The following POM121 variants were observed in gnomAD, a reference collection of about 807,000 sequenced individuals.
POM121 encodes POM121 transmembrane nucleoporin.
In POM121, 32 loss-of-function variants were observed where a neutral mutation model predicts 81.3. The ratio of observed to expected loss-of-function variants is 0.39; its 90% CI spans 0.30 to 0.53. The LOEUF (loss-of-function observed/expected upper bound fraction) is 0.53. Ranked by LOEUF, POM121 falls within the 20% of genes least tolerant of loss-of-function variation. The pLI is 0.66. For synonymous variants in POM121, 514 were observed against 694.2 expected, an observed-to-expected ratio of 0.74 and a Z score of 4.08; for missense variants, 1,138 against 1,614.6, an observed-to-expected ratio of 0.70 and a Z score of 5.06.
At position 72,945,691 on chromosome 7, in the gene POM121, T is replaced by C. The variant is rs782640794; in HGVS notation, c.3635T>C (p.Val1212Ala). 1.6e-5 allele frequency: 25 copies of C among 1,611,574 alleles called. No individual in the cohort carries two copies. Among genetic ancestry groups the C allele is most frequent in the Non-Finnish European group, 2.0e-5 (24 of 1,178,866 alleles). The change falls in exon 12 of 13, where the codon GTT becomes GCT. Residue 1212 changes from valine to alanine, a missense_variant. Physicochemically the swap from Val to Ala is moderately conservative, Grantham distance 64 (BLOSUM62 0). Coordinates refer to ENST00000434423, the MANE Select transcript of POM121 (RefSeq NM_001387691.1). ...GASSAPAQGF[V>A]GVAPFGSAAL... ...TCCTCAGCACCCGCCCAAGGCTTTG[T>C]TGGTGTTGCACCTTTCGGTAAGCAG...
At chr7:72,891,179 T>C in intron 3 of POM121, 1 of 618,290 alleles carries the variant, frequency 1.6e-6, no homozygotes, top group South Asian at 1.8e-5. Context: ...TAAAGAGTTG[T>C]TTATATGTAT....
intron 3 of POM121, among the ~76,000 whole-genome samples, chr7:72,895,918 A>G (rs1223878582): frequency 6.8e-6 from 1 of 147,670 alleles, no homozygotes; most frequent in Non-Finnish European, 1.5e-5. Context: ...AAATGAATAA[A>G]TCAATCAAAT....
At chr7:72,909,790 G>A (rs1256321792) in intron 3 of POM121, among the ~76,000 whole-genome samples, 4 of 152,056 alleles carry the variant, frequency 2.6e-5, no homozygotes, top group African/African-American at 9.7e-5. Flanking sequence ...TGGGACCAGC[G>A]GTACACACTA....
At chr7:72,911,048 G>A (rs1477771436) in intron 3 of POM121, among the ~76,000 whole-genome samples, 5 of 152,294 alleles carry the variant, frequency 3.3e-5, no homozygotes, top group Non-Finnish European at 5.9e-5. Context: ...GTACAATAGC[G>A]CAATCTTAGC....
chr7:72,906,208 T>TA (rs1316373190), intron 3 of POM121, among the ~76,000 whole-genome samples: 2 of 152,216 alleles, frequency 1.3e-5, no homozygotes, highest in East Asian at 3.8e-4. Context: ...TTTGTCTCTT[T>TA]AATAAAATCT....
Position 72,914,577 on chromosome 7 carries a change from T to C in POM121, c.-152+749T>C, listed in dbSNP as rs145783617. ...GCTGTAGAGATAGGGTCTCGCCGTA[T>C]TGCTGAGGATGGTCTTGAACTTCTG... On this transcript the variant is annotated intron_variant, in intron 4 of 15. Coordinates refer to the POM121 transcript ENST00000395270. Among the ~76,000 whole-genome samples, 91 of 151,868 alleles carry C rather than the reference T, an allele frequency of 6.0e-4. 2 individuals carry two copies. The highest frequency in any genetic ancestry group is 7.9e-4 in the Admixed American group (12 of 15,250).
intron 2 of POM121, 126 bp from the exon 3 acceptor site, chr7:72,926,676 C>T (rs1206597160): frequency 2.0e-6 from 3 of 1,489,164 alleles, no homozygotes; most frequent in Admixed American, 2.1e-5. Flanking sequence ...CTAACGGGAA[C>T]TGCTGTGAGT....
intron 3 of POM121, among the ~76,000 whole-genome samples, chr7:72,902,981 A>G (rs1404364830): frequency 6.6e-6 from 1 of 152,124 alleles, no homozygotes; most frequent in African/African-American, 2.4e-5. Flanking sequence ...AGTACTTTCA[A>G]TGTCTGTGCT....
intron 3 of POM121, among the ~76,000 whole-genome samples, chr7:72,894,681 G>GAGAGAGAGAGAGAT: frequency 7.3e-6 from 1 of 136,754 alleles, no homozygotes; most frequent in African/African-American, 2.5e-5. Flanking sequence ...GAGAGAGAGA[G>GAGAGAGAGAGAGAT]ATCTCCGTCC....
chr7:72,924,833 AT>A (rs1795184479), upstream of POM121: 1 of 403,448 alleles, frequency 2.5e-6, no homozygotes, highest in South Asian at 6.9e-5. Flanking sequence ...AAGATCACGG[AT>A]TAGGAATTAC....
Position 72,936,843 on chromosome 7 carries a change from T to C in POM121, c.1276-1747T>C, listed in dbSNP as rs543520454. Among the ~76,000 whole-genome samples the C allele has an allele frequency of 2.0e-4, 31 of 152,248 alleles. No homozygotes were observed. In the South Asian group the frequency reaches 6.0e-3, roughly 30 times the overall value. On this transcript the variant is annotated intron_variant, in intron 5 of 12. Coordinates refer to ENST00000434423, the MANE Select transcript of POM121 (RefSeq NM_001387691.1). ...TATTACTTTAACTACAGGTAAGGTC[T>C]TGCTATGTTGCCCAGGCTGGTCCGA... is the stretch of plus-strand genomic sequence containing the variant.
Position 72,925,248 on chromosome 7 carries a change from G to T in POM121, c.127G>T (p.Gly43Cys). 6.5e-7 allele frequency: 1 copy of T among 1,534,096 alleles called. No homozygotes were observed. The highest frequency in any genetic ancestry group is 8.7e-7 in the Non-Finnish European group (1 of 1,146,184). Residue 43 changes from glycine (G) to cysteine (C), a missense_variant, in exon 1 of 13, where the codon GGC (glycine) becomes TGC (cysteine). Coordinates refer to ENST00000434423, the MANE Select transcript of POM121 (RefSeq NM_001387691.1). ...GGTGCTCCTGGGCCTGTCGCTGGTT[G>T]GCCTCTTACTGTACCTCGTGCCGGC... ...RAVLLGLSLV[G>C]LLLYLVPAAA...
rs1586197724 is a variant in POM121, at chr7:72,946,361, C to T, written c.*127C>T. ...TACCCCGGATCTCTGGCTTCAGCCG[C>T]CAGGGGGCAGTGGCAGCCCTGGGGC... On this transcript the variant is annotated 3_prime_UTR_variant, in exon 13 of 13. Coordinates refer to ENST00000434423, the MANE Select transcript of POM121 (RefSeq NM_001387691.1). 1.4e-6 allele frequency: 2 copies of T among 1,441,794 alleles called. No individual in the cohort carries two copies. Among genetic ancestry groups the T allele is most frequent in the Admixed American group, 5.7e-5 (2 of 35,324 alleles). 89.3% of individuals were successfully genotyped at this position (1,441,794 alleles called of 1,614,324 possible). A position where few individuals can be genotyped will look rare whatever the true frequency, so the allele number is the denominator to read the frequency against.
chr7:72,931,347 GA>G (rs1271608152), intron 5 of POM121, among the ~76,000 whole-genome samples: 1 of 152,060 alleles, frequency 6.6e-6, no homozygotes, highest in Non-Finnish European at 1.5e-5. Flanking sequence ...TGTTTCTTCA[GA>G]AAGCTTTGGT....
In POM121 at chr7:72,925,475, C is replaced by T. The variant is rs1795309883; in HGVS notation, c.354C>T (p.Asn118=). The part of the protein sequence containing the change: ...SPLAKSTANG[N]LLEPRTLLEG... Reference sequence around the variant, plus strand: ...TGGCCAAGTCGACAGCCAACGGAAACCTCCTAGAGCCGCGGACCCTGCTCG... The same window carrying T: ...TGGCCAAGTCGACAGCCAACGGAAATCTCCTAGAGCCGCGGACCCTGCTCG... The change falls in exon 1 of 13, where the codon AAC becomes AAT. Residue 118 remains asparagine, a synonymous_variant. Coordinates refer to ENST00000434423, the MANE Select transcript of POM121 (RefSeq NM_001387691.1). 2.0e-6 allele frequency: 3 copies of T among 1,533,768 alleles called. No homozygotes were observed. The highest frequency in any genetic ancestry group is 4.9e-5 in the East Asian group (2 of 40,896).
intron 1 of POM121, among the ~76,000 whole-genome samples, chr7:72,883,338 G>C (rs1331057061): frequency 5.3e-5 from 8 of 152,330 alleles, no homozygotes; most frequent in African/African-American, 1.7e-4. Context: ...TCCCGGCCTA[G>C]AAATGTATTC....
downstream of POM121, chr7:72,949,145 C>T: frequency 7.3e-7 from 1 of 1,368,448 alleles, no homozygotes. Flanking sequence ...CACAGGCTGC[C>T]TCAGTCCTGA....
At chr7:72,910,080 C>A (rs1554494028) in intron 3 of POM121, among the ~76,000 whole-genome samples, 1 of 152,224 alleles carries the variant, frequency 6.6e-6, no homozygotes, top group African/African-American at 2.4e-5. Flanking sequence ...CATATTTAAC[C>A]CATTTCCCAT....
chr7:72,928,353 C>G, intron 3 of POM121, 32 bp from the exon 4 acceptor site: 1 of 1,613,736 alleles, frequency 6.2e-7, no homozygotes. Context: ...AAAGTCATGT[C>G]ATTTCATTGA....
Sources: gnomAD v4.1 joint callset for allele counts (sites outside exome capture counted in the v4.1 genomes callset) on GRCh38, gnomAD v4.1.1 for gene constraint, MANE v1.5 for transcripts, NCBI Gene and HGNC (gene_info 2026-07-23, HGNC 2026-07-21) for gene names.